Variants in OR51B5 observed in about 807,000 individuals in gnomAD.
The protein encoded by OR51B5 is olfactory receptor family 51 subfamily B member 5, also known as olfactory receptor 51B5.
For missense variants in OR51B5, 456 were observed against 374.6 expected, an observed-to-expected ratio of 1.22 and a Z score of -1.79; for synonymous variants, 186 against 144.8, an observed-to-expected ratio of 1.28 and a Z score of -2.04.
At chr11:5,488,084 T>G (rs1334404218) in intron 1 of OR51B5, among the ~76,000 whole-genome samples, 2 of 152,200 alleles carry the variant, frequency 1.3e-5, no homozygotes, top group African/African-American at 4.8e-5. Flanking sequence ...ATGATCAGAA[T>G]TTAGTCTTTA....
intron 1 of OR51B5, among the ~76,000 whole-genome samples, chr11:5,366,094 C>T (rs1398130061): frequency 1.3e-5 from 2 of 152,070 alleles, no homozygotes; most frequent in Non-Finnish European, 2.9e-5. Context: ...GAGGGGTATG[C>T]TTACTTGTCC....
chr11:5,422,527 C>T (rs1042139212), intron 1 of OR51B5: 2 of 1,614,028 alleles, frequency 1.2e-6, no homozygotes, highest in Non-Finnish European at 1.7e-6. Context: ...TTCATGGATT[C>T]TCCTTTATGG....
chr11:5,356,571 A>G (rs1589950938), intron 1 of OR51B5, among the ~76,000 whole-genome samples: 1 of 143,692 alleles, frequency 7.0e-6, no homozygotes, highest in African/African-American at 2.6e-5. Context: ...TATCCAGGAG[A>G]ACTTCCCCAA....
intron 1 of OR51B5, among the ~76,000 whole-genome samples, chr11:5,355,958 A>G (rs1355260126): frequency 6.6e-6 from 1 of 152,184 alleles, no homozygotes; most frequent in African/African-American, 2.4e-5. Flanking sequence ...AAGGACATCC[A>G]CACCAAAAAC....
chr11:5,359,098 C>T (rs1016309462), intron 1 of OR51B5, among the ~76,000 whole-genome samples: 1 of 152,150 alleles, frequency 6.6e-6, no homozygotes, highest in Admixed American at 6.5e-5. Context: ...CAGGGATGCC[C>T]TCTCTCACTA....
At chr11:5,348,922 GAA>G (rs1328009002) in intron 1 of OR51B5, among the ~76,000 whole-genome samples, 3 of 152,088 alleles carry the variant, frequency 2.0e-5, no homozygotes, top group Non-Finnish European at 4.4e-5. Context: ...GCTTGAGACA[GAA>G]AAGAGTGTCA....
At chr11:5,429,694 C>A (rs1344948240) in intron 1 of OR51B5, among the ~76,000 whole-genome samples, 2 of 151,724 alleles carry the variant, frequency 1.3e-5, no homozygotes, top group African/African-American at 4.8e-5. Flanking sequence ...GGATGGGGAA[C>A]AGATAAGAAT....
chr11:5,401,607 G>A (rs1849967945), intron 1 of OR51B5, among the ~76,000 whole-genome samples: 1 of 152,084 alleles, frequency 6.6e-6, no homozygotes, highest in Non-Finnish European at 1.5e-5. Context: ...TATATACCAT[G>A]CTATAGACCT....
chr11:5,499,128 A>C (rs528970051), intron 1 of OR51B5, among the ~76,000 whole-genome samples: 3 of 152,308 alleles, frequency 2.0e-5, no homozygotes, highest in South Asian at 4.1e-4. Flanking sequence ...CAGGGCACAA[A>C]GTTCAACTGC....
chr11:5,437,664 G>A (rs1007395462), intron 1 of OR51B5, among the ~76,000 whole-genome samples: 3 of 152,212 alleles, frequency 2.0e-5, no homozygotes, highest in Non-Finnish European at 4.4e-5. Context: ...AAGGGATTGA[G>A]ATTCAAATGA....
chr11:5,490,122 C>T (rs1373699707), intron 1 of OR51B5, among the ~76,000 whole-genome samples: 1 of 152,188 alleles, frequency 6.6e-6, no homozygotes, highest in Non-Finnish European at 1.5e-5. Context: ...GGCTCCTCTA[C>T]TTGTGACCTT....
At chr11:5,489,497 C>T in intron 1 of OR51B5, 2 of 1,614,056 alleles carry the variant, frequency 1.2e-6, no homozygotes, top group Non-Finnish European at 1.7e-6. Flanking sequence ...TCCTTCCTCA[C>T]CCACCGCTTT....
intron 1 of OR51B5, among the ~76,000 whole-genome samples, chr11:5,371,864 T>C (rs1546216): frequency 0.59 from 89,401 of 151,928 alleles, 26,377 homozygotes; most frequent in South Asian, 0.7. Context: ...ATTTATCCTA[T>C]ACAGCTGCAA....
At chr11:5,384,302 G>C (rs957590535) in intron 1 of OR51B5, among the ~76,000 whole-genome samples, 2 of 152,076 alleles carry the variant, frequency 1.3e-5, no homozygotes, top group African/African-American at 2.4e-5. Context: ...CTTCCAAGTT[G>C]CCAGGATTAT....
chr11:5,453,687 T>C, intron 1 of OR51B5: 1 of 1,613,746 alleles, frequency 6.2e-7, no homozygotes, highest in Non-Finnish European at 8.5e-7. Context: ...GTCCATGTTG[T>C]CCTTCAGTGA....
chr11:5,467,765 A>G (rs1386540924), intron 1 of OR51B5, among the ~76,000 whole-genome samples: 1 of 152,234 alleles, frequency 6.6e-6, no homozygotes, highest in African/African-American at 2.4e-5. Flanking sequence ...TCAGCCAACT[A>G]TGCTGCCAAG....
intron 1 of OR51B5, among the ~76,000 whole-genome samples, chr11:5,372,552 G>C (rs944285465): frequency 1.3e-5 from 2 of 152,090 alleles, no homozygotes; most frequent in Admixed American, 6.6e-5. Context: ...CTGACCATTT[G>C]CATGTCTTCA....
At chr11:5,462,062 C>T (rs1851063975) in intron 1 of OR51B5, among the ~76,000 whole-genome samples, 1 of 152,120 alleles carries the variant, frequency 6.6e-6, no homozygotes, top group African/African-American at 2.4e-5. Flanking sequence ...TCTAACAACA[C>T]AAGAAAATCA....
At chr11:5,441,057 T>A (rs774279959) in intron 1 of OR51B5, 3 of 1,614,012 alleles carry the variant, frequency 1.9e-6, no homozygotes, top group Non-Finnish European at 2.5e-6. Context: ...GGTGAAACTC[T>A]TGGTAAGGAT....
Sources: gnomAD v4.1 joint callset for allele counts (sites outside exome capture counted in the v4.1 genomes callset) on GRCh38, gnomAD v4.1.1 for gene constraint, MANE v1.5 for transcripts, NCBI Gene and HGNC (gene_info 2026-07-23, HGNC 2026-07-21) for gene names.